Variants in ATXN8OS observed in about 807,000 individuals in gnomAD.
ATXN8OS encodes ATXN8 opposite strand lncRNA.
At chr13:70,161,405 G>C (rs1198252556) in intron 4 of ATXN8OS, among the ~76,000 whole-genome samples, 1 of 152,034 alleles carries the variant, frequency 6.6e-6, no homozygotes, top group Non-Finnish European at 1.5e-5. Context: ...TTTGTTAGTA[G>C]ATGTCAGGAC....
exon 5 of ATXN8OS, among the ~76,000 whole-genome samples, chr13:70,171,453 G>C (rs1326492831): frequency 6.6e-6 from 1 of 152,104 alleles, no homozygotes; most frequent in South Asian, 2.1e-4. Context: ...GGATGTGATG[G>C]CCTAGGATAA....
chr13:70,115,212 C>T (rs1888258129), exon 2 of ATXN8OS: 1 of 398,346 alleles, frequency 2.5e-6, no homozygotes, highest in South Asian at 1.3e-4. Context: ...GCTCTGAACA[C>T]ACATAGTAGA....
At chr13:70,133,668 A>G (rs571143220) in intron 3 of ATXN8OS, among the ~76,000 whole-genome samples, 2 of 152,306 alleles carry the variant, frequency 1.3e-5, no homozygotes, top group Middle Eastern at 3.4e-3. Flanking sequence ...AAAGGCTTGA[A>G]AAAATACAGA....
intron 3 of ATXN8OS, among the ~76,000 whole-genome samples, chr13:70,135,814 A>C (rs993284342): frequency 2.6e-5 from 4 of 152,208 alleles, no homozygotes; most frequent in Admixed American, 1.3e-4. Context: ...TATATAGTAC[A>C]TGACATAAAA....
intron 4 of ATXN8OS, among the ~76,000 whole-genome samples, chr13:70,152,451 G>A (rs957429121): frequency 6.6e-6 from 1 of 151,720 alleles, no homozygotes; most frequent in Admixed American, 6.6e-5. Flanking sequence ...GTATGTATGT[G>A]TATATGTGTA....
intron 3 of ATXN8OS, among the ~76,000 whole-genome samples, chr13:70,138,326 A>T (rs1016636088): frequency 0.01 from 31 of 3,036 alleles, no homozygotes; most frequent in East Asian, 0.25. Flanking sequence ...TTTAAATTAA[A>T]AAAAAAAAAA....
At chr13:70,157,682 C>G (rs867701760) in intron 4 of ATXN8OS, among the ~76,000 whole-genome samples, 1 of 152,152 alleles carries the variant, frequency 6.6e-6, no homozygotes, top group Admixed American at 6.5e-5. Context: ...TACTGGTACA[C>G]GGAGAACCTT....
At chr13:70,146,404 C>T (rs1033234602) in intron 3 of ATXN8OS, among the ~76,000 whole-genome samples, 7 of 151,794 alleles carry the variant, frequency 4.6e-5, no homozygotes, top group African/African-American at 1.7e-4. Flanking sequence ...CCCAGCCATC[C>T]CATTACTGGG....
chr13:70,145,226 C>G (rs1888766031), intron 3 of ATXN8OS, among the ~76,000 whole-genome samples: 1 of 152,054 alleles, frequency 6.6e-6, no homozygotes, highest in Non-Finnish European at 1.5e-5. Flanking sequence ...GTTTTGGTAC[C>G]AGTACCATGC....
chr13:70,143,433 T>C (rs938461634), intron 3 of ATXN8OS, among the ~76,000 whole-genome samples: 2 of 152,142 alleles, frequency 1.3e-5, no homozygotes, highest in Non-Finnish European at 2.9e-5. Flanking sequence ...AGTTCCTTAT[T>C]ATAAACCGAT....
intron 3 of ATXN8OS, among the ~76,000 whole-genome samples, chr13:70,134,205 GTGTAAA>G (rs1243524015): frequency 1.3e-5 from 2 of 152,146 alleles, no homozygotes; most frequent in Non-Finnish European, 2.9e-5. Flanking sequence ...GTCAAACTAA[GTGTAAA>G]TTACAAAACA....
chr13:70,156,918 G>A (rs1266726726), intron 4 of ATXN8OS, among the ~76,000 whole-genome samples: 1 of 152,000 alleles, frequency 6.6e-6, no homozygotes, highest in Non-Finnish European at 1.5e-5. Flanking sequence ...CTGGCCAACA[G>A]CATGATATTG....
chr13:70,122,529 G>A (rs1888374421), intron 2 of ATXN8OS, among the ~76,000 whole-genome samples: 1 of 151,834 alleles, frequency 6.6e-6, no homozygotes, highest in African/African-American at 2.4e-5. Flanking sequence ...TTATCTCAAA[G>A]AGAAGATTCA....
intron 4 of ATXN8OS, among the ~76,000 whole-genome samples, chr13:70,147,497 T>C (rs1391188912): frequency 6.6e-6 from 1 of 152,136 alleles, no homozygotes. Context: ...GCCAATCCTG[T>C]TTCAAATTGT....
At chr13:70,127,249 T>C in intron 2 of ATXN8OS, among the ~76,000 whole-genome samples, 1 of 152,028 alleles carries the variant, frequency 6.6e-6, no homozygotes, top group Non-Finnish European at 1.5e-5. Flanking sequence ...GAGATGGAAA[T>C]TGCTCAAGGT....
At chr13:70,138,103 A>C (rs1209419336) in intron 3 of ATXN8OS, among the ~76,000 whole-genome samples, 32 of 152,194 alleles carry the variant, frequency 2.1e-4, no homozygotes. Flanking sequence ...CTCCTCCAAC[A>C]TTGGGGCTTA....
chr13:70,150,944 C>T (rs1260533384), intron 4 of ATXN8OS, among the ~76,000 whole-genome samples: 2 of 152,044 alleles, frequency 1.3e-5, no homozygotes, highest in Non-Finnish European at 2.9e-5. Context: ...GCAAAGCAGG[C>T]ATTGGCACTA....
rs573176257 is a variant in ATXN8OS at position 70,159,294 on chromosome 13, CT to C, written n.574-10454del. Among the ~76,000 whole-genome samples the C allele has an allele frequency of 8.6e-5, 13 of 151,504 alleles. No individual in the cohort carries two copies. In the South Asian group the frequency reaches 2.5e-3, roughly 29 times the overall value. On this transcript the variant is annotated intron_variant and non_coding_transcript_variant, in intron 4 of 4. Coordinates refer to ENST00000678624, the Ensembl canonical transcript of ATXN8OS. Reference sequence around the variant, plus strand: ...TAGATTTTCTATGTACAAAATCATGCTTTTTGTAGATGCTTTTTTATTATTG... The same window carrying C: ...TAGATTTTCTATGTACAAAATCATGCTTTTGTAGATGCTTTTTTATTATTG...
chr13:70,146,825 TA>T (rs1181351139), intron 3 of ATXN8OS, among the ~76,000 whole-genome samples: 1 of 151,794 alleles, frequency 6.6e-6, no homozygotes, highest in Non-Finnish European at 1.5e-5. Context: ...AATGACAAGT[TA>T]ATGGGTGCAG....
Sources: allele counts gnomAD v4.1 joint callset (sites outside exome capture counted in the v4.1 genomes callset), GRCh38; gene constraint gnomAD v4.1.1; transcripts MANE v1.5; gene names NCBI Gene and HGNC (gene_info 2026-07-23, HGNC 2026-07-21).